PTPN1: variants seen among roughly 807,000 people sequenced by gnomAD.
PTPN1 encodes tyrosine-protein phosphatase non-receptor type 1.
Under a neutral mutation model 59.9 loss-of-function variants are expected in PTPN1, and 12 were observed. The ratio of observed to expected loss-of-function variants is 0.20; its 90% CI spans 0.13 to 0.32. PTPN1 has a LOEUF of 0.32. Among genes scored for constraint, PTPN1 ranks in the 10% least tolerant of loss-of-function variants. PTPN1 has a pLI of 1.00. For missense variants in PTPN1, 356 were observed against 549.2 expected, an observed-to-expected ratio of 0.65 and a Z score of 3.52; for synonymous variants, 178 against 203.6, an observed-to-expected ratio of 0.87 and a Z score of 1.07.
chr20:50,560,210 C>A (rs1431834849), intron 1 of PTPN1, among the ~76,000 whole-genome samples: 1 of 151,998 alleles, frequency 6.6e-6, no homozygotes, highest in African/African-American at 2.4e-5. Context: ...TGGCCGCTTA[C>A]CCCATTTTTG....
intron 1 of PTPN1, among the ~76,000 whole-genome samples, chr20:50,541,710 G>A (rs1333815662): frequency 1.3e-5 from 2 of 152,144 alleles, no homozygotes; most frequent in Non-Finnish European, 2.9e-5. Flanking sequence ...CAGAATGGCC[G>A]TCCCTTCTCC....
At chr20:50,547,054 G>T (rs1168371922) in intron 1 of PTPN1, among the ~76,000 whole-genome samples, 1 of 152,082 alleles carries the variant, frequency 6.6e-6, no homozygotes, top group African/African-American at 2.4e-5. Context: ...AAAAAATAGT[G>T]GTTCCAATAT....
chr20:50,552,281 C>T (rs998488111), intron 1 of PTPN1, among the ~76,000 whole-genome samples: 4 of 152,144 alleles, frequency 2.6e-5, no homozygotes, highest in Non-Finnish European at 4.4e-5. Context: ...GACTTGTACT[C>T]AGAGTATGTG....
intron 1 of PTPN1, among the ~76,000 whole-genome samples, chr20:50,539,860 C>T (rs1387557621): frequency 1.3e-5 from 2 of 151,448 alleles, no homozygotes; most frequent in Non-Finnish European, 2.9e-5. Flanking sequence ...AATCCATGTG[C>T]TCTTTCAATA....
intron 4 of PTPN1, chr20:50,573,847 A>G (rs1441264081): frequency 6.6e-6 from 1 of 152,248 alleles, no homozygotes; most frequent in Non-Finnish European, 1.5e-5. Flanking sequence ...AATTTTCATA[A>G]ATTTTCTTGT....
Position 50,578,640 on chromosome 20 carries a change from C to CT in PTPN1, c.702+11_702+12insT. Reference sequence around the variant, plus strand: ...ACCTGCCTCTTGCTGGTAAGGAGGCCCTCGCGGGTGCCCTGGGGAGCTCCT... The same window carrying CT: ...ACCTGCCTCTTGCTGGTAAGGAGGCCTCTCGCGGGTGCCCTGGGGAGCTCCT... On this transcript the variant is annotated intron_variant, in intron 6 of 9. Coordinates refer to ENST00000371621, the MANE Select transcript of PTPN1 (RefSeq NM_002827.4). 6.2e-7 allele frequency: 1 copy of CT among 1,611,098 alleles called. No homozygotes were observed. The highest frequency in any genetic ancestry group is 8.5e-7 in the Non-Finnish European group (1 of 1,177,808).
In PTPN1 at chr20:50,526,402, T is replaced by A. The variant is rs544825364; in HGVS notation, c.63+15812T>A. On this transcript the variant is annotated intron_variant, in intron 1 of 9. Coordinates refer to ENST00000371621, the MANE Select transcript of PTPN1 (RefSeq NM_002827.4). ...AGCTTAGTTGTATTTTAAATGGGCC[T>A]GTTTGCAGCATTCCCTACTCCCCTT... 2.6e-5 allele frequency among the ~76,000 whole-genome samples: 4 copies of A among 152,114 alleles called. No individual in the cohort carries two copies. The South Asian group carries it at 8.3e-4, about 32-fold the overall frequency.
rs376240987 is a variant in PTPN1 at position 50,568,361 on chromosome 20, T to G, written c.256-19T>G. On this transcript the variant is annotated intron_variant, in intron 3 of 9. Coordinates refer to ENST00000371621, the MANE Select transcript of PTPN1 (RefSeq NM_002827.4). The surrounding 1 kb of genome is among the most constrained non-coding windows in gnomAD (Gnocchi z 5.6). ...GTTATGTTTCAGATGTCACATGTTG[T>G]GTTATTGTGTCTTTGCAGGGCCCTT... 6 of 1,604,180 alleles carry G rather than the reference T, an allele frequency of 3.7e-6. No individual in the cohort carries two copies. Among genetic ancestry groups the G allele is most frequent in the Non-Finnish European group, 5.1e-6 (6 of 1,171,124 alleles).
At chr20:50,549,377 T>A (rs930330237) in intron 1 of PTPN1, among the ~76,000 whole-genome samples, 1 of 152,218 alleles carries the variant, frequency 6.6e-6, no homozygotes, top group African/African-American at 2.4e-5. Flanking sequence ...CCCTTATCCC[T>A]TGATTTGTGG....
chr20:50,545,078 C>T (rs942590367), intron 1 of PTPN1, among the ~76,000 whole-genome samples: 1 of 152,186 alleles, frequency 6.6e-6, no homozygotes, highest in Non-Finnish European at 1.5e-5. Context: ...CACCTCTCTG[C>T]AAGTTGCTGA....
chr20:50,541,769 C>T (rs900844319), intron 1 of PTPN1, among the ~76,000 whole-genome samples: 3 of 152,124 alleles, frequency 2.0e-5, no homozygotes, highest in African/African-American at 4.8e-5. Flanking sequence ...AGTGCCGGAA[C>T]AGACTAGGGG....
intron 1 of PTPN1, among the ~76,000 whole-genome samples, chr20:50,544,808 T>A (rs1322700537): frequency 6.6e-6 from 1 of 152,028 alleles, no homozygotes; most frequent in African/African-American, 2.4e-5. Context: ...AGTTCGAGAC[T>A]AGCCTGGCCA....
intron 9 of PTPN1, among the ~76,000 whole-genome samples, chr20:50,581,885 C>G (rs1006039949): frequency 3.9e-5 from 6 of 152,174 alleles, no homozygotes; most frequent in Middle Eastern, 6.8e-3. Flanking sequence ...GAAACTTTCT[C>G]ATACCCTTAG....
chr20:50,527,452 T>C (rs2082582017), intron 1 of PTPN1, among the ~76,000 whole-genome samples: 1 of 152,128 alleles, frequency 6.6e-6, no homozygotes, highest in South Asian at 2.1e-4. Context: ...CAGGCGATTC[T>C]CCTGCCCCAG....
At chr20:50,528,168 T>C (rs940452641) in intron 1 of PTPN1, among the ~76,000 whole-genome samples, 7 of 152,188 alleles carry the variant, frequency 4.6e-5, no homozygotes, top group Non-Finnish European at 1.0e-4. Flanking sequence ...ACATTTCTTC[T>C]GGGAAGCTTT....
chr20:50,525,064 T>C (rs1235522153), intron 1 of PTPN1, among the ~76,000 whole-genome samples: 1 of 152,158 alleles, frequency 6.6e-6, no homozygotes, highest in Non-Finnish European at 1.5e-5. Context: ...GTTATTTATA[T>C]TTATTTATTT....
chr20:50,577,140 A>G (rs1468579549), intron 5 of PTPN1, among the ~76,000 whole-genome samples: 1 of 152,134 alleles, frequency 6.6e-6, no homozygotes, highest in Admixed American at 6.5e-5. Flanking sequence ...AGTGTATTTA[A>G]TGGCTGAGGC....
rs771822726 is a variant in PTPN1, at chr20:50,568,900, C to T, written c.354+422C>T. On this transcript the variant is annotated intron_variant, in intron 4 of 9. Coordinates refer to ENST00000371621, the MANE Select transcript of PTPN1 (RefSeq NM_002827.4). The surrounding 1 kb of genome is among the most constrained non-coding windows in gnomAD (Gnocchi z 5.6). ...GGCTACCTCTGCGGAGCTGTGGGAGCGGCTGACTAGATGAGATTTGCCTCC... is the reference window on the plus strand; with the variant it reads ...GGCTACCTCTGCGGAGCTGTGGGAGTGGCTGACTAGATGAGATTTGCCTCC... 1.3e-5 allele frequency among the ~76,000 whole-genome samples: 2 copies of T among 152,114 alleles called. No homozygotes were observed. The highest frequency in any genetic ancestry group is 4.8e-5 in the African/African-American group (2 of 41,422).
In PTPN1 at chr20:50,582,705, G is replaced by A. The variant is rs2082875051; in HGVS notation, c.1298G>A (p.Ser433Asn). The A allele has an allele frequency of 1.2e-6, 2 of 1,613,706 alleles. No individual in the cohort carries two copies. The highest frequency in any genetic ancestry group is 1.3e-5 in the African/African-American group (1 of 74,884). ...GTTTCATTCCAGTTCCTGTTCAACA[G>A]CAACACATAGCCTGACCCTCCTCCA... ...AYLCYRFLFN[S>N]NT is the part of the protein sequence containing the mutation. Residue 433 changes from serine (S) to asparagine (N), a missense_variant, in exon 10 of 10, where the codon AGC (serine) becomes AAC (asparagine). Physicochemically the swap from Ser to Asn is conservative, Grantham distance 46. This residue lies in a region of PTPN1 where 62 missense variants were observed against 97.2 expected (regional missense o/e 0.64). Coordinates refer to ENST00000371621, the MANE Select transcript of PTPN1 (RefSeq NM_002827.4). The surrounding 1 kb of genome is among the most constrained non-coding windows in gnomAD (Gnocchi z 4.2).
Sources: gnomAD v4.1 joint callset for allele counts (sites outside exome capture counted in the v4.1 genomes callset) on GRCh38, gnomAD v4.1.1 for gene constraint, gnomAD v4.1.1 regional missense constraint, Gnocchi (gnomAD v3.1) non-coding constraint, MANE v1.5 for transcripts, NCBI Gene and HGNC (gene_info 2026-07-23, HGNC 2026-07-21) for gene names.